Variants in RBFOX3 observed in about 807,000 individuals in gnomAD.
RBFOX3 encodes the protein RNA binding protein fox-1 homolog 3.
A neutral mutation model predicts 48.7 loss-of-function variants in RBFOX3; 17 were observed. The observed-to-expected ratio is 0.35, with a 90% CI of 0.24 to 0.52. The LOEUF (loss-of-function observed/expected upper bound fraction) is 0.52. Ranked by LOEUF, RBFOX3 falls within the 20% of genes least tolerant of loss-of-function variation. RBFOX3 has a pLI of 0.94. For synonymous variants in RBFOX3, 212 were observed against 209.5 expected (o/e 1.01, Z -0.10); for missense variants, 382 against 497.5 (o/e 0.77, Z 2.21).
chr17:79,318,175 A>G (rs1241306084), intron 2 of RBFOX3, among the ~76,000 whole-genome samples: 5 of 152,118 alleles, frequency 3.3e-5, no homozygotes, highest in Admixed American at 3.3e-4. Context: ...TCCTATCATG[A>G]GTGGAACAGG....
At position 79,249,688 on chromosome 17, in the gene RBFOX3, C is replaced by T. The variant is rs775064728; in HGVS notation, c.-73-13883G>A. On this transcript the variant is annotated intron_variant, in intron 3 of 14. Transcript: ENST00000693108. The surrounding 1 kb of genome is among the most constrained non-coding windows in gnomAD (Gnocchi z 4.1). ...AGCCCCAAAACCACTTCCCCTGCCT[C>T]GCCCGTTCCTTCCTAGGGAAACCAC... is the stretch of plus-strand genomic sequence containing the variant. 2.4e-4 allele frequency among the ~76,000 whole-genome samples: 35 copies of T among 144,916 alleles called. No individual in the cohort carries two copies. Among genetic ancestry groups the T allele is most frequent in the Non-Finnish European group, 1.4e-4 (9 of 63,598 alleles).
At chr17:79,631,220 G>A in the RBFOX3 span, among the ~76,000 whole-genome samples, 2 of 152,134 alleles carry the variant, frequency 1.3e-5, no homozygotes, top group Non-Finnish European at 2.9e-5. Context: ...GATGTGGGAA[G>A]GAACCCTCCA....
At chr17:79,582,782 C>CAAAAA (rs36155299) in intron 1 of RBFOX3, among the ~76,000 whole-genome samples, 2 of 46,902 alleles carry the variant, frequency 4.3e-5, no homozygotes, top group African/African-American at 1.0e-4. Context: ...GACCCCGTCT[C>CAAAAA]AAAAAAAAAA....
At chr17:79,506,301 G>C (rs1270896586) in intron 1 of RBFOX3, among the ~76,000 whole-genome samples, 1 of 152,184 alleles carries the variant, frequency 6.6e-6, no homozygotes, top group Non-Finnish European at 1.5e-5. Flanking sequence ...TTCCTGCCTG[G>C]CTTGGCTGTG....
intron 2 of RBFOX3, among the ~76,000 whole-genome samples, chr17:79,463,658 G>A (rs1187608772): frequency 2.4e-5 from 3 of 124,708 alleles, no homozygotes; most frequent in Non-Finnish European, 5.1e-5. Flanking sequence ...CACCACCATC[G>A]CCACCGCCAC....
chr17:79,369,096 G>T (rs1487425973), intron 2 of RBFOX3, among the ~76,000 whole-genome samples: 1 of 152,162 alleles, frequency 6.6e-6, no homozygotes, highest in Non-Finnish European at 1.5e-5. Flanking sequence ...GGGGGCATCT[G>T]CTCTGAGCTG....
the RBFOX3 span, among the ~76,000 whole-genome samples, chr17:79,624,977 T>G: frequency 6.6e-6 from 1 of 152,046 alleles, no homozygotes. Flanking sequence ...AGCATGTGTG[T>G]GTGTTTAAAG....
chr17:79,248,578 G>T (rs554558497), intron 3 of RBFOX3, among the ~76,000 whole-genome samples: 1 of 152,356 alleles, frequency 6.6e-6, no homozygotes, highest in African/African-American at 2.4e-5. Flanking sequence ...TCCCTGGGAG[G>T]TAACGATTTT....
chr17:79,356,367 T>TTTTTTTTTTTG lies in RBFOX3; in HGVS notation c.-174-48544_-174-48543insCAAAAAAAAAA, dbSNP rs1568101061. ...AGGGAAGTTTTTTTTTTTTTTTTTT[T>TTTTTTTTTTTG]TTTTTTTTTTTTTTTTTTTGAGGAG... On this transcript the variant is annotated intron_variant, in intron 2 of 14. Coordinates refer to ENST00000693108, the MANE Select transcript of RBFOX3 (RefSeq NM_001350451.2). Among the ~76,000 whole-genome samples, 122 of 77,038 alleles carry TTTTTTTTTTTG rather than the reference T, an allele frequency of 1.6e-3. 3 individuals are homozygous for TTTTTTTTTTTG. Among genetic ancestry groups the TTTTTTTTTTTG allele is most frequent in the African/African-American group, 3.7e-3 (78 of 21,222 alleles). The allele number at this position is 77,038 out of a possible 152,430, so 50.5% of individuals were successfully genotyped here.
chr17:79,628,954 G>C, the RBFOX3 span, among the ~76,000 whole-genome samples: 59,019 of 151,790 alleles, frequency 0.39, 12,142 homozygotes, highest in African/African-American at 0.51. Flanking sequence ...AGCTGCCTTC[G>C]TGATCCACTT....
chr17:79,316,754 A>T (rs1177633953), intron 2 of RBFOX3, among the ~76,000 whole-genome samples: 1 of 152,234 alleles, frequency 6.6e-6, no homozygotes, highest in African/African-American at 2.4e-5. Flanking sequence ...TTAAATTAGA[A>T]ATTTCAGATA....
chr17:79,280,868 C>A (rs2070296695), intron 3 of RBFOX3, among the ~76,000 whole-genome samples: 1 of 150,998 alleles, frequency 6.6e-6, no homozygotes, highest in Non-Finnish European at 1.5e-5. Flanking sequence ...GGGTCTCCTG[C>A]AGGCATGTGG....
Position 79,473,677 on chromosome 17 carries a change from T to A in RBFOX3, c.-175+8777A>T, listed in dbSNP as rs2077328995. Among the ~76,000 whole-genome samples, 1 of 152,136 alleles carries A rather than the reference T, an allele frequency of 6.6e-6. No individual in the cohort carries two copies. Among genetic ancestry groups the A allele is most frequent in the South Asian group, 2.1e-4 (1 of 4,824 alleles). On this transcript the variant is annotated intron_variant, in intron 2 of 14. Coordinates refer to ENST00000693108, the MANE Select transcript of RBFOX3 (RefSeq NM_001350451.2). This position sits in a 1 kb window ranked among gnomAD's most constrained non-coding sequence, Gnocchi z 4.2. ...CGGCAGGTGGCCACACCCTGCAAGC[T>A]CCCTGTAATTCCAGCCATTACTCAG...
chr17:79,442,794 G>A (rs2071415675), intron 2 of RBFOX3, among the ~76,000 whole-genome samples: 1 of 152,058 alleles, frequency 6.6e-6, no homozygotes, highest in Admixed American at 6.5e-5. Context: ...AGAGGGTGAG[G>A]GGAGGACACC....
At chr17:79,393,407 G>A (rs1453698621) in intron 2 of RBFOX3, among the ~76,000 whole-genome samples, 3 of 152,220 alleles carry the variant, frequency 2.0e-5, no homozygotes, top group East Asian at 1.9e-4. Context: ...GGGGAGACCC[G>A]GCCAGTGAGC....
chr17:79,477,569 A>T lies in RBFOX3; in HGVS notation c.-175+4885T>A, dbSNP rs1438613916. 6.7e-6 allele frequency among the ~76,000 whole-genome samples: 1 copy of T among 149,972 alleles called. No homozygotes were observed. Among genetic ancestry groups the T allele is most frequent in the Middle Eastern group, 3.4e-3 (1 of 294 alleles). On this transcript the variant is annotated intron_variant, in intron 2 of 14. Transcript: ENST00000693108. The surrounding 1 kb of genome is among the most constrained non-coding windows in gnomAD (Gnocchi z 4.8). Reference sequence around the variant, plus strand: ...AAACTCCGTCACCGGAAAAAAAAAAAGAGGAGGAGGAGTAGGAAAAAAGGG... The same window carrying T: ...AAACTCCGTCACCGGAAAAAAAAAATGAGGAGGAGGAGTAGGAAAAAAGGG...
chr17:79,148,046 C>T (rs758235243), intron 4 of RBFOX3, among the ~76,000 whole-genome samples: 22 of 152,330 alleles, frequency 1.4e-4, no homozygotes, highest in Admixed American at 5.2e-4. Flanking sequence ...CAGGGCCAGG[C>T]TCTGGCCTGT....
At chr17:79,539,441 T>C (rs2089346347) in intron 1 of RBFOX3, among the ~76,000 whole-genome samples, 1 of 152,344 alleles carries the variant, frequency 6.6e-6, no homozygotes, top group East Asian at 1.9e-4. Flanking sequence ...TTTGACTTTT[T>C]ATAAAGTAAC....
In RBFOX3 at chr17:79,418,965, GC is replaced by G. The variant is rs1425530387; in HGVS notation, c.-175+63488del. Among the ~76,000 whole-genome samples the G allele has an allele frequency of 2.0e-5, 3 of 152,162 alleles. No individual in the cohort carries two copies. Among genetic ancestry groups the G allele is most frequent in the Admixed American group, 2.0e-4 (3 of 15,280 alleles). The stretch of plus-strand genomic sequence containing the variant: ...TCTGCTAGACAAATAGATTTTACAA[GC>G]CCTCAGTTAAATGTGGATAATTACG... On this transcript the variant is annotated intron_variant, in intron 2 of 14. Transcript: ENST00000693108. This position sits in a 1 kb window ranked among gnomAD's most constrained non-coding sequence, Gnocchi z 5.0.
Sources: allele counts gnomAD v4.1 joint callset (sites outside exome capture counted in the v4.1 genomes callset), GRCh38; gene constraint gnomAD v4.1.1; non-coding constraint Gnocchi (gnomAD v3.1); transcripts MANE v1.5; gene names NCBI Gene and HGNC (gene_info 2026-07-23, HGNC 2026-07-21).